VAX1: variants seen among roughly 807,000 people sequenced by gnomAD.
The protein encoded by VAX1 is ventral anterior homeobox 1.
VAX1 carries 6 observed loss-of-function variants against 17.6 expected under a neutral mutation model. The observed-to-expected ratio is 0.34, with a 90% CI of 0.19 to 0.67. The LOEUF (loss-of-function observed/expected upper bound fraction) is 0.67. Among genes scored for constraint, VAX1 ranks in the 30% least tolerant of loss-of-function variants. The pLI is 0.69. For missense variants in VAX1, 408 were observed against 463.7 expected (o/e 0.88, Z 1.10); for synonymous variants, 256 against 227.4 (o/e 1.13, Z -1.13).
rs373928197 is a variant in VAX1, at chr10:117,137,952, C to T, written c.105G>A (p.Ala35=). Residue 35 remains alanine (A), a synonymous_variant, in exon 1 of 3, where the codon GCG becomes GCA. Transcript: ENST00000369206. The surrounding 1 kb of genome is among the most constrained non-coding windows in gnomAD (Gnocchi z 7.4). The stretch of plus-strand genomic sequence containing the variant: ...GGAAGGCGGCTGGGAGGTTCCCCTC[C>T]GCGCCCTTGCTCTCCCGACTCTCCT... ...AHKESRESKG[A]EGNLPAAFLK... is the part of the protein sequence containing the mutation. The T allele has an allele frequency of 1.1e-5, 18 of 1,613,804 alleles. No homozygotes were observed. Among genetic ancestry groups the T allele is most frequent in the Non-Finnish European group, 1.4e-5 (17 of 1,179,994 alleles).
Position 117,134,288 on chromosome 10 carries a change from G to A in VAX1, c.725C>T (p.Pro242Leu). ...AGCACCGCCCACAGCCGGCGGGTGCGGGGATGCAGCGCCCGCTGGGCCCGG... is the reference window on the plus strand; with the variant it reads ...AGCACCGCCCACAGCCGGCGGGTGCAGGGATGCAGCGCCCGCTGGGCCCGG... ...AAPGPAGAASPHPPAVGGAPG... is the reference protein window; with the variant it reads ...AAPGPAGAASLHPPAVGGAPG... Residue 242 changes from proline to leucine, a missense_variant, in exon 3 of 3, where the codon CCG (proline) becomes CTG (leucine). Around this residue, in one of 4 missense-constraint regions of VAX1, gnomAD observed 196 missense variants for 218.7 expected, o/e 0.90. Transcript: ENST00000369206. This position sits in a 1 kb window ranked among gnomAD's most constrained non-coding sequence, Gnocchi z 6.2. 8.3e-7 allele frequency: 1 copy of A among 1,201,158 alleles called. No individual in the cohort carries two copies. The highest frequency in any genetic ancestry group is 1.0e-6 in the Non-Finnish European group (1 of 969,770). The allele number at this position is 1,201,158 out of a possible 1,614,324, so 74.4% of individuals were successfully genotyped here.
downstream of VAX1, chr10:117,130,460 T>G (rs1854069686): frequency 6.6e-6 from 1 of 152,210 alleles, no homozygotes; most frequent in Non-Finnish European, 1.5e-5. Context: ...TCTGAAACAA[T>G]TTGGCGGTTG....
rs1564971705 is a variant in VAX1, at chr10:117,136,525, C to T, written c.376G>A (p.Val126Met). ...EMEFQRCQYVVGRERTELARQ... is the reference protein window; with the variant it reads ...EMEFQRCQYVMGRERTELARQ... ...GCGAGCTCGGTCCTCTCGCGGCCCA[C>T]CACGTACTGGCAGCGCTGGAACTCC... The change falls in exon 2 of 3, where the codon GTG becomes ATG. Residue 126 changes from valine (V) to methionine (M), a missense_variant. Transcript: ENST00000369206. The surrounding 1 kb of genome is among the most constrained non-coding windows in gnomAD (Gnocchi z 5.0). 6.2e-7 allele frequency: 1 copy of T among 1,613,756 alleles called. No homozygotes were observed. The highest frequency in any genetic ancestry group is 8.5e-7 in the Non-Finnish European group (1 of 1,180,028).
downstream of VAX1, chr10:117,128,880 C>T (rs952781141): frequency 1.3e-5 from 2 of 152,228 alleles, no homozygotes; most frequent in Non-Finnish European, 2.9e-5. Flanking sequence ...GGAGCAGCCT[C>T]TCCAGGAAGG....
rs547581837 is a variant in VAX1, at chr10:117,136,540, G to A, written c.361C>T (p.Arg121Cys). 1.2e-6 allele frequency: 2 copies of A among 1,613,446 alleles called. No individual in the cohort carries two copies. The highest frequency in any genetic ancestry group is 1.3e-5 in the African/African-American group (1 of 75,064). ...TCGCGGCCCACCACGTACTGGCAGC[G>A]CTGGAACTCCATCTCCAGCCGATAG... ...QLYRLEMEFQRCQYVVGRERT... is the reference protein window; with the variant it reads ...QLYRLEMEFQCCQYVVGRERT... The change falls in exon 2 of 3, where the codon CGC becomes TGC. Residue 121 changes from arginine to cysteine, a missense_variant. This residue lies in a region of VAX1 where 75 missense variants were observed against 116.1 expected (regional missense o/e 0.65). Transcript: ENST00000369206. The surrounding 1 kb of genome is among the most constrained non-coding windows in gnomAD (Gnocchi z 5.0).
At position 117,134,466 on chromosome 10, in the gene VAX1, C is replaced by G; in HGVS notation, c.547G>C (p.Glu183Gln). Residue 183 changes from glutamate (E) to glutamine (Q), a missense_variant, in exon 3 of 3, where the codon GAG becomes CAG. Physicochemically the swap from Glu to Gln is conservative, Grantham distance 29. This residue lies in a region of VAX1 where 196 missense variants were observed against 218.7 expected (regional missense o/e 0.90). Transcript: ENST00000369206. The surrounding 1 kb of genome is among the most constrained non-coding windows in gnomAD (Gnocchi z 6.2). ...GGCGGCGACAACAGGCGGCCCTGCT[C>G]CAGCAGCCGTAGCACGCTGCACGTG... ...AATCSVLRLL[E>Q]QGRLLSPPGL... The G allele has an allele frequency of 1.3e-6, 2 of 1,519,134 alleles. No homozygotes were observed. The highest frequency in any genetic ancestry group is 1.2e-5 in the South Asian group (1 of 82,552). 94.1% of individuals were successfully genotyped at this position (1,519,134 alleles called of 1,614,324 possible).
At position 117,137,135 on chromosome 10, in the gene VAX1, G is replaced by A. The variant is rs1251701166; in HGVS notation, c.242-476C>T. Among the ~76,000 whole-genome samples the A allele has an allele frequency of 1.3e-5, 2 of 151,820 alleles. No homozygotes were observed. Among genetic ancestry groups the A allele is most frequent in the African/African-American group, 2.4e-5 (1 of 41,452 alleles). On this transcript the variant is annotated intron_variant, in intron 1 of 2. Transcript: ENST00000369206. This position sits in a 1 kb window ranked among gnomAD's most constrained non-coding sequence, Gnocchi z 7.4. ...CGGCGGAAGGAGGAGGGACTGAGTCGGGGCCGGCCGGGCCCGGAGATCTGC... is the reference window on the plus strand; with the variant it reads ...CGGCGGAAGGAGGAGGGACTGAGTCAGGGCCGGCCGGGCCCGGAGATCTGC...
At position 117,137,995 on chromosome 10, in the gene VAX1, ACCCGGGCAG is replaced by A; in HGVS notation, c.53_61del (p.Ala18_Arg20del). On this transcript the variant is annotated inframe_deletion, in exon 1 of 3. Coordinates refer to ENST00000369206, the MANE Select transcript of VAX1 (RefSeq NM_001112704.2). This position sits in a 1 kb window ranked among gnomAD's most constrained non-coding sequence, Gnocchi z 7.4. The stretch of plus-strand genomic sequence containing the variant: ...ACTCTCCTTGTGCGCGTTCTTCGAG[ACCCGGGCAG>A]CCTCGGCGTCCGAGTGGCATCGAAC... 6.2e-7 allele frequency: 1 copy of A among 1,611,844 alleles called. No individual in the cohort carries two copies.
Position 117,136,416 on chromosome 10 carries a change from G to A in VAX1, c.429+56C>T. 6.2e-7 allele frequency: 1 copy of A among 1,601,952 alleles called. No homozygotes were observed. The highest frequency in any genetic ancestry group is 1.1e-5 in the South Asian group (1 of 90,562). On this transcript the variant is annotated intron_variant, in intron 2 of 2. Transcript: ENST00000369206. The surrounding 1 kb of genome is among the most constrained non-coding windows in gnomAD (Gnocchi z 5.0). ...TAGGAGGTGAAGAGCAGGCTAGGTA[G>A]GGGTGGTGGGGAGGAAGGCTGGTGC...
rs34250461 is a variant in VAX1 at position 117,138,096 on chromosome 10, CA to C, written c.-41del. 0.35 allele frequency: 121,461 copies of C among 351,628 alleles called. 37,806 individuals carry two copies. The highest frequency in any genetic ancestry group is 0.75 in the African/African-American group (19,209 of 25,552). 21.8% of individuals were successfully genotyped at this position (351,628 alleles called of 1,614,324 possible). A position where few individuals can be genotyped will look rare whatever the true frequency, so the allele number is the denominator to read the frequency against. ...ACAAAAACAGAAAGGAAAAAAAAAG[CA>C]AAAAAAAAAAAAAGGGGGGGGGGCG... is the stretch of plus-strand genomic sequence containing the variant. On this transcript the variant is annotated 5_prime_UTR_variant, in exon 1 of 3. Transcript: ENST00000369206.
chr10:117,133,630 C>T lies in VAX1; in HGVS notation c.*378G>A. The T allele has an allele frequency of 1.5e-5, 15 of 996,246 alleles. No individual in the cohort carries two copies. Among genetic ancestry groups the T allele is most frequent in the Non-Finnish European group, 1.8e-5 (15 of 837,468 alleles). The allele number at this position is 996,246 out of a possible 1,614,324, so 61.7% of individuals were successfully genotyped here. A position where few individuals can be genotyped will look rare whatever the true frequency, so the allele number is the denominator to read the frequency against. ...TATTCCTAGGAATAGTCGGCAGCGG[C>T]AGCAGCCGCAGCAGCCGCGGATCTA... On this transcript the variant is annotated 3_prime_UTR_variant, in exon 3 of 3. Coordinates refer to ENST00000369206, the MANE Select transcript of VAX1 (RefSeq NM_001112704.2).
intron 2 of VAX1, among the ~76,000 whole-genome samples, chr10:117,135,489 T>C (rs1854160861): frequency 6.6e-6 from 1 of 152,164 alleles, no homozygotes; most frequent in Non-Finnish European, 1.5e-5. Context: ...TTTTATAAAC[T>C]AAGAGGAGTA....
At position 117,133,488 on chromosome 10, in the gene VAX1, G is replaced by C. The variant is rs922965674; in HGVS notation, c.*520C>G. On this transcript the variant is annotated 3_prime_UTR_variant, in exon 3 of 3. Transcript: ENST00000369206. ...CTATCCCGAGAGGTCCGCAAAGCGG[G>C]GCCCAGGGGCTCCCACAAGCCCTGG... 1 of 985,484 alleles carries C rather than the reference G, an allele frequency of 1.0e-6. No individual in the cohort carries two copies. Among genetic ancestry groups the C allele is most frequent in the South Asian group, 4.7e-5 (1 of 21,308 alleles). 61.0% of individuals were successfully genotyped at this position (985,484 alleles called of 1,614,324 possible). A position where few individuals can be genotyped will look rare whatever the true frequency, so the allele number is the denominator to read the frequency against.
Position 117,136,393 on chromosome 10 carries a change from G to C in VAX1, c.429+79C>G. 1 of 1,565,046 alleles carries C rather than the reference G, an allele frequency of 6.4e-7. No individual in the cohort carries two copies. The highest frequency in any genetic ancestry group is 8.7e-7 in the Non-Finnish European group (1 of 1,148,904). On this transcript the variant is annotated intron_variant, in intron 2 of 2. Coordinates refer to ENST00000369206, the MANE Select transcript of VAX1 (RefSeq NM_001112704.2). This position sits in a 1 kb window ranked among gnomAD's most constrained non-coding sequence, Gnocchi z 5.0. Reference sequence around the variant, plus strand: ...GGGTAGTTCTGTCCAGAGCAGGTTAGGAGGTGAAGAGCAGGCTAGGTAGGG... The same window carrying C: ...GGGTAGTTCTGTCCAGAGCAGGTTACGAGGTGAAGAGCAGGCTAGGTAGGG...
rs1437998332 is a variant in VAX1 at position 117,134,652 on chromosome 10, C to A, written c.430-69G>T. On this transcript the variant is annotated intron_variant, in intron 2 of 2. Transcript: ENST00000369206. This position sits in a 1 kb window ranked among gnomAD's most constrained non-coding sequence, Gnocchi z 6.2. ...AGACCAGCGTCAAAGGAAGCGAGCT[C>A]CCGGGGCGCGCGGCTCCGGGGCTCT... 4 of 1,403,772 alleles carry A rather than the reference C, an allele frequency of 2.8e-6. No individual in the cohort carries two copies. The highest frequency in any genetic ancestry group is 3.7e-6 in the Non-Finnish European group (4 of 1,071,744). The allele number at this position is 1,403,772 out of a possible 1,614,324, so 87.0% of individuals were successfully genotyped here. A position where few individuals can be genotyped will look rare whatever the true frequency, so the allele number is the denominator to read the frequency against.
At chr10:117,132,914 G>A (rs992252959), downstream of VAX1, among the ~76,000 whole-genome samples, 1 of 152,166 alleles carries the variant, frequency 6.6e-6, no homozygotes, top group Non-Finnish European at 1.5e-5. This position sits in a 1 kb window ranked among gnomAD's most constrained non-coding sequence, Gnocchi z 4.9. Flanking sequence ...TGTGAATCCG[G>A]GTGTTTGGGA....
Position 117,137,796 on chromosome 10 carries a change from G to A in VAX1, c.241+20C>T. 1 of 1,610,752 alleles carries A rather than the reference G, an allele frequency of 6.2e-7. No homozygotes were observed. Among genetic ancestry groups the A allele is most frequent in the Non-Finnish European group, 8.5e-7 (1 of 1,179,898 alleles). On this transcript the variant is annotated intron_variant, in intron 1 of 2. Transcript: ENST00000369206. The surrounding 1 kb of genome is among the most constrained non-coding windows in gnomAD (Gnocchi z 7.4). Reference sequence around the variant, plus strand: ...GAGTCGACCCCAAAGAACGCGCCTGGCAGCCCTGCCCATCCCTACCTCGGA... The same window carrying A: ...GAGTCGACCCCAAAGAACGCGCCTGACAGCCCTGCCCATCCCTACCTCGGA...
rs1177682517 is a variant in VAX1, at chr10:117,134,447, G to A, written c.566C>T (p.Ser189Leu). The change falls in exon 3 of 3, where the codon TCG (serine) becomes TTG (leucine). Residue 189 changes from serine (S) to leucine (L), a missense_variant. Ser to Leu is a moderately radical substitution (Grantham distance 145). Coordinates refer to ENST00000369206, the MANE Select transcript of VAX1 (RefSeq NM_001112704.2). This position sits in a 1 kb window ranked among gnomAD's most constrained non-coding sequence, Gnocchi z 6.2. ...CAGCAGCGCAGGCAGGCCGGGCGGC[G>A]ACAACAGGCGGCCCTGCTCCAGCAG... ...LRLLEQGRLLSPPGLPALLPP... is the reference protein window; with the variant it reads ...LRLLEQGRLLLPPGLPALLPP... The A allele has an allele frequency of 1.3e-6, 2 of 1,509,020 alleles. No individual in the cohort carries two copies. Among genetic ancestry groups the A allele is most frequent in the Non-Finnish European group, 1.8e-6 (2 of 1,134,944 alleles). The allele number at this position is 1,509,020 out of a possible 1,614,324, so 93.5% of individuals were successfully genotyped here.
At position 117,136,793 on chromosome 10, in the gene VAX1, A is replaced by T. The variant is rs1448307952; in HGVS notation, c.242-134T>A. ...GGGGGGCGGGGTGCGGAGCGCGACC[A>T]CAACCAGGTAGCAAAGACACTGTGT... On this transcript the variant is annotated intron_variant, in intron 1 of 2. Coordinates refer to ENST00000369206, the MANE Select transcript of VAX1 (RefSeq NM_001112704.2). The surrounding 1 kb of genome is among the most constrained non-coding windows in gnomAD (Gnocchi z 5.0). 3.8e-6 allele frequency: 4 copies of T among 1,061,184 alleles called. No individual in the cohort carries two copies. The highest frequency in any genetic ancestry group is 5.3e-6 in the Non-Finnish European group (4 of 748,106). The allele number at this position is 1,061,184 out of a possible 1,614,324, so 65.7% of individuals were successfully genotyped here.
Sources: gnomAD v4.1 joint callset for allele counts (sites outside exome capture counted in the v4.1 genomes callset) on GRCh38, gnomAD v4.1.1 for gene constraint, gnomAD v4.1.1 regional missense constraint, Gnocchi (gnomAD v3.1) non-coding constraint, MANE v1.5 for transcripts, NCBI Gene and HGNC (gene_info 2026-07-23, HGNC 2026-07-21) for gene names.